MSRB2: variants seen among roughly 807,000 people sequenced by gnomAD.
The protein encoded by MSRB2 is methionine-R-sulfoxide reductase B2, mitochondrial.
In MSRB2, 17 loss-of-function variants were observed where a neutral mutation model predicts 19.0. The ratio of observed to expected loss-of-function variants is 0.89; its 90% CI spans 0.61 to 1.34. MSRB2 has a LOEUF of 1.34. Ranked by LOEUF, MSRB2 falls within the 40% of genes most tolerant of loss-of-function variation. MSRB2 has a pLI of 0.00. For synonymous variants in MSRB2, 107 were observed against 99.7 expected (o/e 1.07, Z -0.44); for missense variants, 208 against 237.6 (o/e 0.88, Z 0.82).
rs138564287 is a variant in MSRB2 at position 23,109,185 on chromosome 10, A to C, written c.220-1057A>C. ...CGGATCTTCATGGTCAGCTTGTGCA[A>C]GGGTTGTTTTTTATTTAATTTTCTT... is the stretch of plus-strand genomic sequence containing the variant. On this transcript the variant is annotated intron_variant, in intron 2 of 4. Coordinates refer to ENST00000376510, the MANE Select transcript of MSRB2 (RefSeq NM_012228.4). 6.0e-3 allele frequency among the ~76,000 whole-genome samples: 916 copies of C among 152,242 alleles called. 8 individuals carry two copies. The highest frequency in any genetic ancestry group is 0.017 in the Middle Eastern group (5 of 294).
intron 3 of MSRB2, among the ~76,000 whole-genome samples, chr10:23,110,937 C>T (rs865959872): frequency 2.0e-5 from 3 of 152,046 alleles, no homozygotes; most frequent in South Asian, 2.1e-4. Context: ...AAAGTAGATT[C>T]GATGGAGAAG....
intron 2 of MSRB2, among the ~76,000 whole-genome samples, chr10:23,109,519 G>C (rs1857279): frequency 0.66 from 99,825 of 150,156 alleles, 33,661 homozygotes; most frequent in African/African-American, 0.72. Context: ...CTCCAGCCTG[G>C]GTGACAGTGA....
intron 1 of MSRB2, among the ~76,000 whole-genome samples, chr10:23,100,396 C>CA (rs1015487162): frequency 2.0e-5 from 3 of 151,688 alleles, no homozygotes; most frequent in African/African-American, 7.3e-5. Flanking sequence ...ACAGAAGTGG[C>CA]AAAAAAACAG....
chr10:23,109,540 CA>C (rs71395829), intron 2 of MSRB2, among the ~76,000 whole-genome samples: 32,357 of 138,142 alleles, frequency 0.23, 3,757 homozygotes, highest in Non-Finnish European at 0.29. Flanking sequence ...GACTTCATCT[CA>C]AAAAAAAAAA....
At chr10:23,117,108 A>G (rs2131633373) in intron 3 of MSRB2, among the ~76,000 whole-genome samples, 1 of 152,302 alleles carries the variant, frequency 6.6e-6, no homozygotes, top group Middle Eastern at 3.4e-3. Context: ...CTTTATTTTT[A>G]GTTTATACTT....
chr10:23,121,107 A>G lies in MSRB2; in HGVS notation c.*245A>G, dbSNP rs958930673. 1 of 429,726 alleles carries G rather than the reference A, an allele frequency of 2.3e-6. No homozygotes were observed. Among genetic ancestry groups the G allele is most frequent in the Non-Finnish European group, 4.1e-6 (1 of 243,954 alleles). 26.6% of individuals were successfully genotyped at this position (429,726 alleles called of 1,614,324 possible). On this transcript the variant is annotated 3_prime_UTR_variant, in exon 5 of 5. Coordinates refer to ENST00000376510, the MANE Select transcript of MSRB2 (RefSeq NM_012228.4). ...GGGAGAATTTGAAAAAAAAAGAAAA[A>G]CTAGAAAAATAAACAAAATTAAAAA...
intron 1 of MSRB2, among the ~76,000 whole-genome samples, chr10:23,096,075 C>CTGTA (rs1839862876): frequency 6.6e-6 from 1 of 151,916 alleles, no homozygotes; most frequent in Non-Finnish European, 1.5e-5. Flanking sequence ...GGGGCCTGGG[C>CTGTA]TGTAGCAGCC....
intron 3 of MSRB2, among the ~76,000 whole-genome samples, chr10:23,111,619 A>T (rs1840055054): frequency 6.6e-6 from 1 of 152,150 alleles, no homozygotes; most frequent in South Asian, 2.1e-4. Context: ...TTGTGGTGTC[A>T]GAATACTGGA....
chr10:23,110,505 T>C (rs1233713197), intron 3 of MSRB2, among the ~76,000 whole-genome samples, 187 bp downstream of exon 3: 1 of 152,234 alleles, frequency 6.6e-6, no homozygotes, highest in Non-Finnish European at 1.5e-5. Flanking sequence ...GTCTTGACTT[T>C]TTTTTCTAGC....
chr10:23,120,678 T>A, intron 4 of MSRB2, 80 bp from the exon 5 acceptor site: 1 of 1,050,282 alleles, frequency 9.5e-7, no homozygotes, highest in African/African-American at 1.6e-5. Context: ...TGGAGTGATT[T>A]TGGGGGGGTT....
chr10:23,098,705 C>T (rs1242620755), intron 1 of MSRB2, among the ~76,000 whole-genome samples: 2 of 152,174 alleles, frequency 1.3e-5, no homozygotes, highest in Non-Finnish European at 2.9e-5. Context: ...AGTGAGAGAC[C>T]TTGTCGTGTA....
chr10:23,119,911 T>C (rs2131635635), intron 4 of MSRB2, among the ~76,000 whole-genome samples: 1 of 152,336 alleles, frequency 6.6e-6, no homozygotes. Context: ...ACATGGGGTT[T>C]CTACACATGC....
chr10:23,120,358 G>C (rs745708755), intron 4 of MSRB2, among the ~76,000 whole-genome samples: 1 of 152,162 alleles, frequency 6.6e-6, no homozygotes. Context: ...AGATAGCGTG[G>C]TTTTGCCTTA....
intron 1 of MSRB2, 132 bp downstream of exon 1, chr10:23,095,858 T>TCCCCCCCCCCCC (rs55816790): frequency 2.7e-6 from 1 of 365,976 alleles, no homozygotes; most frequent in African/African-American, 2.3e-5. Context: ...GGCGCGCCCC[T>TCCCCCCCCCCCC]CCCCCCCCCC....
At chr10:23,114,580 AG>A (rs1356953753) in intron 3 of MSRB2, among the ~76,000 whole-genome samples, 2 of 152,202 alleles carry the variant, frequency 1.3e-5, no homozygotes, top group African/African-American at 2.4e-5. Context: ...GTGATAGTGC[AG>A]GGATTTGGGC....
At chr10:23,118,438 A>G (rs1340850463) in intron 3 of MSRB2, among the ~76,000 whole-genome samples, 1 of 130,616 alleles carries the variant, frequency 7.7e-6, no homozygotes, top group Admixed American at 9.3e-5. Flanking sequence ...TTTGAAGTCT[A>G]TTTTCCCAGT....
chr10:23,097,146 A>G (rs1839877859), intron 1 of MSRB2, among the ~76,000 whole-genome samples: 1 of 152,268 alleles, frequency 6.6e-6, no homozygotes, highest in African/African-American at 2.4e-5. Flanking sequence ...AACCCAAATC[A>G]GTTAAGAAAT....
At chr10:23,110,952 G>T (rs1840044680) in intron 3 of MSRB2, among the ~76,000 whole-genome samples, 1 of 152,110 alleles carries the variant, frequency 6.6e-6, no homozygotes, top group Non-Finnish European at 1.5e-5. Flanking sequence ...GAGAAGAAAG[G>T]AAAACATCTT....
rs569204690 is a variant in MSRB2 at position 23,101,890 on chromosome 10, G to T, written c.119-2254G>T. ...TATAAAGACAGTACAGAGTTCTCAAGACCCCTCATCCGGATCCCCCTGGTA... is the reference window on the plus strand; with the variant it reads ...TATAAAGACAGTACAGAGTTCTCAATACCCCTCATCCGGATCCCCCTGGTA... On this transcript the variant is annotated intron_variant, in intron 1 of 4. Coordinates refer to ENST00000376510, the MANE Select transcript of MSRB2 (RefSeq NM_012228.4). Among the ~76,000 whole-genome samples, 43 of 152,256 alleles carry T rather than the reference G, an allele frequency of 2.8e-4. 1 individual carries two copies. Among genetic ancestry groups the T allele is most frequent in the Admixed American group, 2.6e-3 (40 of 15,298 alleles).
Sources: allele counts gnomAD v4.1 joint callset (sites outside exome capture counted in the v4.1 genomes callset), GRCh38; gene constraint gnomAD v4.1.1; transcripts MANE v1.5; gene names NCBI Gene and HGNC (gene_info 2026-07-23, HGNC 2026-07-21).